The following PRELID2 variants were observed in gnomAD, a reference collection of about 807,000 sequenced individuals.
PRELID2 encodes the protein PRELI domain-containing protein 2.
PRELID2 carries 25 observed loss-of-function variants against 28.4 expected under a neutral mutation model. The ratio of observed to expected loss-of-function variants is 0.88; its 90% CI spans 0.64 to 1.23. The LOEUF is 1.23. PRELID2 is among the 50% of genes most tolerant of loss of function. The pLI is 0.00. For missense variants in PRELID2, 201 were observed against 214.4 expected, an observed-to-expected ratio of 0.94 and a Z score of 0.39; for synonymous variants, 76 against 71.6, an observed-to-expected ratio of 1.06 and a Z score of -0.31.
chr5:145,532,936 G>A (rs1752667075), intron 1 of PRELID2, among the ~76,000 whole-genome samples: 1 of 152,028 alleles, frequency 6.6e-6, no homozygotes, highest in Non-Finnish European at 1.5e-5. Context: ...AATTGCAGAT[G>A]TCTCTTCAAC....
intron 1 of PRELID2, among the ~76,000 whole-genome samples, chr5:145,750,863 T>C (rs1465239449): frequency 2.0e-5 from 3 of 152,210 alleles, no homozygotes; most frequent in Non-Finnish European, 4.4e-5. Flanking sequence ...CACAGCTTCA[T>C]TAGTTTTTTC....
At position 145,835,265 on chromosome 5, in the gene PRELID2, GGGCCCCGCGCACC is replaced by G; in HGVS notation, c.-27_-15del. On this transcript the variant is annotated 5_prime_UTR_variant, in exon 1 of 7. Coordinates refer to ENST00000683046, the MANE Select transcript of PRELID2 (RefSeq NM_205846.3). ...CGAGACCCCCATCCCCGCGCGCCGC[GGGCCCCGCGCACC>G]GGCCACGCCTCCGCGAGCTCAGAGC... The G allele has an allele frequency of 9.7e-6, 15 of 1,540,934 alleles. No individual in the cohort carries two copies. The highest frequency in any genetic ancestry group is 1.3e-5 in the Non-Finnish European group (15 of 1,140,306).
chr5:145,411,941 C>T, the PRELID2 span, among the ~76,000 whole-genome samples: 1 of 152,222 alleles, frequency 6.6e-6, no homozygotes, highest in Non-Finnish European at 1.5e-5. Flanking sequence ...ATATCCCGAG[C>T]TGTACCTTGG....
At chr5:145,450,290 A>G in the PRELID2 span, among the ~76,000 whole-genome samples, 2 of 152,182 alleles carry the variant, frequency 1.3e-5, no homozygotes, top group African/African-American at 4.8e-5. Context: ...ACTGAACTCA[A>G]GAAGTTACAA....
chr5:145,775,085 C>T (rs1380491313), intron 5 of PRELID2, among the ~76,000 whole-genome samples: 1 of 152,074 alleles, frequency 6.6e-6, no homozygotes, highest in East Asian at 1.9e-4. Context: ...ACAAAAAATA[C>T]AAAACGTAGC....
the PRELID2 span, among the ~76,000 whole-genome samples, chr5:145,260,121 C>G: frequency 6.6e-6 from 1 of 152,272 alleles, no homozygotes; most frequent in South Asian, 2.1e-4. Context: ...CTTGCTACCC[C>G]TTTGTCTTCC....
intron 1 of PRELID2, among the ~76,000 whole-genome samples, chr5:145,682,481 A>G (rs1754956222): frequency 6.6e-6 from 1 of 152,204 alleles, no homozygotes; most frequent in African/African-American, 2.4e-5. Flanking sequence ...TGTAGGCTCC[A>G]TTATATCCGA....
intron 1 of PRELID2, among the ~76,000 whole-genome samples, chr5:145,628,681 C>T (rs1753889917): frequency 6.6e-6 from 1 of 152,142 alleles, no homozygotes; most frequent in South Asian, 2.1e-4. Context: ...GAAATAACCC[C>T]TTTATCACAG....
the PRELID2 span, among the ~76,000 whole-genome samples, chr5:145,311,751 T>C: frequency 6.6e-6 from 1 of 152,142 alleles, no homozygotes; most frequent in African/African-American, 2.4e-5. Flanking sequence ...AGGTGCTACA[T>C]GATATGGATG....
At chr5:145,765,306 TAGAATGATAATGGC>T (rs1187802956) in intron 5 of PRELID2, among the ~76,000 whole-genome samples, 3 of 152,188 alleles carry the variant, frequency 2.0e-5, no homozygotes, top group Admixed American at 2.0e-4. Context: ...CTGCCAGAGC[TAGAATGATAATGGC>T]AGTAGTTAAT....
At chr5:145,641,673 G>T (rs533619825) in intron 1 of PRELID2, among the ~76,000 whole-genome samples, 1 of 152,082 alleles carries the variant, frequency 6.6e-6, no homozygotes, top group African/African-American at 2.4e-5. Context: ...CCCCCCAGGG[G>T]GGCCCTGACA....
At chr5:145,815,185 T>G (rs865801561) in intron 4 of PRELID2, among the ~76,000 whole-genome samples, 5 of 152,138 alleles carry the variant, frequency 3.3e-5, no homozygotes, top group Admixed American at 1.3e-4. Flanking sequence ...GAGGCAATGA[T>G]GAGGAGGCAG....
chr5:145,370,895 A>C, the PRELID2 span, among the ~76,000 whole-genome samples: 1 of 152,048 alleles, frequency 6.6e-6, no homozygotes, highest in Admixed American at 6.6e-5. Context: ...ATGGGAATTT[A>C]TTCATGATTT....
At chr5:145,500,200 G>A (rs1752347696) in intron 1 of PRELID2, among the ~76,000 whole-genome samples, 1 of 152,162 alleles carries the variant, frequency 6.6e-6, no homozygotes, top group Non-Finnish European at 1.5e-5. Context: ...GGTGGGAGGT[G>A]ATTGGATCAT....
chr5:145,630,129 CATGGATGGATGG>C lies in PRELID2; in HGVS notation n.70+134790_70+134801del, dbSNP rs61612357. 3.0e-4 allele frequency among the ~76,000 whole-genome samples: 45 copies of C among 150,962 alleles called. No individual in the cohort carries two copies. In the East Asian group the frequency reaches 7.8e-3, roughly 26 times the overall value. ...GTGTACTCAAAAAAATGTTTGGATG[CATGGATGGATGG>C]ATGGATGGATGGATGGATGGATGAG... On this transcript the variant is annotated intron_variant and non_coding_transcript_variant, in intron 1 of 2. Coordinates refer to the PRELID2 transcript ENST00000510259.
chr5:145,808,911 A>T (rs1753737227), intron 4 of PRELID2, among the ~76,000 whole-genome samples: 1 of 151,746 alleles, frequency 6.6e-6, no homozygotes, highest in Non-Finnish European at 1.5e-5. Context: ...AAAAAAAAGA[A>T]CAGTTTCTCA....
At chr5:145,312,875 A>G in the PRELID2 span, among the ~76,000 whole-genome samples, 2 of 152,274 alleles carry the variant, frequency 1.3e-5, no homozygotes, top group South Asian at 4.1e-4. Context: ...CTATATATAC[A>G]GAAGTGGAAT....
At chr5:145,578,172 A>G (rs558843333) in intron 1 of PRELID2, among the ~76,000 whole-genome samples, 14 of 152,152 alleles carry the variant, frequency 9.2e-5, no homozygotes, top group Non-Finnish European at 8.8e-5. Flanking sequence ...CCCGAGGAAG[A>G]TATCTCCCAT....
intron 1 of PRELID2, among the ~76,000 whole-genome samples, chr5:145,614,426 C>T (rs1753665675): frequency 6.6e-6 from 1 of 152,210 alleles, no homozygotes; most frequent in South Asian, 2.1e-4. Flanking sequence ...GTCATTGTCA[C>T]AGTATTGATT....
Sources: allele counts gnomAD v4.1 joint callset (sites outside exome capture counted in the v4.1 genomes callset), GRCh38; gene constraint gnomAD v4.1.1; transcripts MANE v1.5; gene names NCBI Gene and HGNC (gene_info 2026-07-23, HGNC 2026-07-21).